Variants in MEGF8 observed in about 807,000 individuals in gnomAD.
MEGF8 encodes the protein multiple epidermal growth factor-like domains protein 8.
In MEGF8, 156 loss-of-function variants were observed where a neutral mutation model predicts 302.9. That is an observed-to-expected ratio of 0.52 (90% confidence interval 0.45 to 0.59). The LOEUF (loss-of-function observed/expected upper bound fraction) is 0.59. Among genes scored for constraint, MEGF8 ranks in the 20% least tolerant of loss-of-function variants. The probability of loss-of-function intolerance (pLI) is 0.00; values close to 1 mark genes in which losing one functional copy is unlikely to be tolerated. For synonymous variants in MEGF8, 1,621 were observed against 1,660.5 expected (o/e 0.98, Z 0.58); for missense variants, 3,345 against 3,964.5 (o/e 0.84, Z 4.20).
rs750557446 is a variant in MEGF8 at position 42,351,085 on chromosome 19, G to T, written c.2737-131G>T. On this transcript the variant is annotated intron_variant, in intron 15 of 41. Transcript: ENST00000251268. This position sits in a 1 kb window ranked among gnomAD's most constrained non-coding sequence, Gnocchi z 5.6. ...TGGTCGAAGGGAGGGGTCCAGAGAC[G>T]CAGGCAGCTGGGGAGGGAGATGGCC... The T allele has an allele frequency of 8.8e-6, 7 of 796,112 alleles. No homozygotes were observed. The East Asian group carries it at 1.6e-4, about 18-fold the overall frequency. 49.3% of individuals were successfully genotyped at this position (796,112 alleles called of 1,614,324 possible).
chr19:42,359,927 C>T (rs2039507727), intron 31 of MEGF8, among the ~76,000 whole-genome samples: 1 of 149,094 alleles, frequency 6.7e-6, no homozygotes, highest in Admixed American at 6.7e-5. Flanking sequence ...ACTCCTGGGC[C>T]CAAGCAGTCC....
chr19:42,331,808 G>T (rs1448251973), intron 1 of MEGF8, among the ~76,000 whole-genome samples: 1 of 151,394 alleles, frequency 6.6e-6, no homozygotes, highest in Non-Finnish European at 1.5e-5. Context: ...GACCTCAAGC[G>T]ATCCACCCAC....
rs1298003744 is a variant in MEGF8, at chr19:42,335,991, G to A, written c.889G>A (p.Glu297Lys). 1.3e-6 allele frequency: 2 copies of A among 1,538,790 alleles called. No individual in the cohort carries two copies. Among genetic ancestry groups the A allele is most frequent in the Non-Finnish European group, 1.7e-6 (2 of 1,143,460 alleles). Residue 297 changes from glutamate to lysine, a missense_variant, in exon 6 of 42, where the codon GAG (glutamate) becomes AAG (lysine). Physicochemically the swap from Glu to Lys is moderately conservative, Grantham distance 56. Transcript: ENST00000251268. ...CGGCTCCCTGGTACTGATGGGTGGT[G>A]AGCTGGCTGACGGCTCGCTCACCAA... ...WAGSLVLMGG[E>K]LADGSLTNDV...
At chr19:42,326,739 CTTTTT>C (rs34036568) in intron 1 of MEGF8, among the ~76,000 whole-genome samples, 2 of 118,082 alleles carry the variant, frequency 1.7e-5, no homozygotes, top group African/African-American at 7.4e-5. Context: ...ACTACTACTA[CTTTTT>C]TTTTTTTTTT....
At position 42,336,108 on chromosome 19, in the gene MEGF8, G is replaced by T; in HGVS notation, c.1006G>T (p.Gly336Cys). 2 of 1,606,128 alleles carry T rather than the reference G, an allele frequency of 1.2e-6. No homozygotes were observed. Among genetic ancestry groups the T allele is most frequent in the Non-Finnish European group, 1.7e-6 (2 of 1,178,422 alleles). The change falls in exon 6 of 42, where the codon GGT becomes TGT. Residue 336 changes from glycine to cysteine, a missense_variant. Physicochemically the swap from Gly to Cys is radical, Grantham distance 159 (BLOSUM62 -3). Transcript: ENST00000251268. The surrounding 1 kb of genome is among the most constrained non-coding windows in gnomAD (Gnocchi z 4.8). The stretch of plus-strand genomic sequence containing the variant: ...CTCCTCGGGGCCCCCAGGCCTGGCA[G>T]GTCACGCGGCTGCCCTGGTGGATGA... ...SSSSGPPGLAGHAAALVDDVW... is the reference protein window; with the variant it reads ...SSSSGPPGLACHAAALVDDVW...
At position 42,344,646 on chromosome 19, in the gene MEGF8, G is replaced by A. The variant is rs770335340; in HGVS notation, c.1934-24G>A. 20 of 1,561,090 alleles carry A rather than the reference G, an allele frequency of 1.3e-5. No individual in the cohort carries two copies. Among genetic ancestry groups the A allele is most frequent in the African/African-American group, 2.7e-5 (2 of 73,896 alleles). On this transcript the variant is annotated intron_variant, in intron 11 of 41. Coordinates refer to ENST00000251268, the MANE Select transcript of MEGF8 (RefSeq NM_001271938.2). This position sits in a 1 kb window ranked among gnomAD's most constrained non-coding sequence, Gnocchi z 4.5. The stretch of plus-strand genomic sequence containing the variant: ...CCAGAGCACTCCACACTGACCCACC[G>A]GCCCCCACCCCCTGTCTTCTCAGAG...
chr19:42,331,923 A>G (rs912054254), intron 1 of MEGF8, among the ~76,000 whole-genome samples: 3 of 149,350 alleles, frequency 2.0e-5, no homozygotes, highest in Non-Finnish European at 4.4e-5. Context: ...CAGTGGTGCA[A>G]TCTTGGCTCA....
intron 8 of MEGF8, among the ~76,000 whole-genome samples, chr19:42,341,709 C>T (rs2039217685): frequency 1.3e-5 from 2 of 152,148 alleles, no homozygotes; most frequent in African/African-American, 2.4e-5. Flanking sequence ...AGCCTCCCAA[C>T]GTGCTGTGAT....
chr19:42,366,115 C>G lies in MEGF8; in HGVS notation c.6274-2340C>G, dbSNP rs192382271. On this transcript the variant is annotated intron_variant, in intron 35 of 41. Coordinates refer to ENST00000251268, the MANE Select transcript of MEGF8 (RefSeq NM_001271938.2). The stretch of plus-strand genomic sequence containing the variant: ...AAAAGAAGTGTTGGCTTAGATTCCA[C>G]CGCACAAATCAAACATAATAGGCGT... Among the ~76,000 whole-genome samples the G allele has an allele frequency of 1.1e-4, 17 of 152,296 alleles. No homozygotes were observed. In the South Asian group the frequency reaches 1.7e-3, roughly 15 times the overall value.
Position 42,334,231 on chromosome 19 carries a change from CCT to C in MEGF8, c.558+19_558+20del. 6.4e-7 allele frequency: 1 copy of C among 1,568,124 alleles called. No individual in the cohort carries two copies. Among genetic ancestry groups the C allele is most frequent in the South Asian group, 1.2e-5 (1 of 84,996 alleles). ...GCGCCTCGGTGAGCCGGTCCCCAGC[CCT>C]GTTTCCCCTGGGGCCCTGATCTGTG... On this transcript the variant is annotated intron_variant, in intron 3 of 41. Coordinates refer to ENST00000251268, the MANE Select transcript of MEGF8 (RefSeq NM_001271938.2).
intron 35 of MEGF8, among the ~76,000 whole-genome samples, chr19:42,363,580 T>C (rs2039563597): frequency 6.6e-6 from 1 of 152,214 alleles, no homozygotes; most frequent in Admixed American, 6.5e-5. Flanking sequence ...TTTAATTTAA[T>C]TTTTTGTTTT....
At position 42,344,125 on chromosome 19, in the gene MEGF8, G is replaced by A. The variant is rs2039253595; in HGVS notation, c.1788+52G>A. 3.8e-6 allele frequency: 6 copies of A among 1,594,078 alleles called. No homozygotes were observed. The Admixed American group carries it at 7.0e-5, about 19-fold the overall frequency. The stretch of plus-strand genomic sequence containing the variant: ...TCCCTAGCATAGAGACCTGCCCTCA[G>A]TGTCTCCCTCTGCCTAACCAGATGG... On this transcript the variant is annotated intron_variant, in intron 10 of 41. Coordinates refer to ENST00000251268, the MANE Select transcript of MEGF8 (RefSeq NM_001271938.2). This position sits in a 1 kb window ranked among gnomAD's most constrained non-coding sequence, Gnocchi z 4.5.
intron 1 of MEGF8, among the ~76,000 whole-genome samples, chr19:42,328,117 C>T (rs1213802394): frequency 6.6e-6 from 1 of 152,138 alleles, no homozygotes; most frequent in African/African-American, 2.4e-5. Flanking sequence ...GAATACAAGA[C>T]AACGAATGAG....
rs188531875 is a variant in MEGF8, at chr19:42,362,080, T to C, written c.5721-10T>C. 630 of 1,611,754 alleles carry C rather than the reference T, an allele frequency of 3.9e-4. 2 individuals carry two copies. In the African/African-American group the frequency reaches 7.6e-3, roughly 19 times the overall value. On this transcript the variant is annotated splice_polypyrimidine_tract_variant and intron_variant, in intron 32 of 41. Transcript: ENST00000251268. ...ATGGGTGTGAGTGAGCCAGGCCTCA[T>C]GTCCTTTAGGCTGGGCTGCGGGGGC... is the stretch of plus-strand genomic sequence containing the variant.
At chr19:42,364,544 C>T (rs1163324351) in intron 35 of MEGF8, among the ~76,000 whole-genome samples, 1 of 152,164 alleles carries the variant, frequency 6.6e-6, no homozygotes, top group Non-Finnish European at 1.5e-5. Context: ...AAGAAACCAA[C>T]AGCACTTCGT....
Position 42,348,385 on chromosome 19 carries a change from A to G in MEGF8, c.2211A>G (p.Pro737=), listed in dbSNP as rs1347679756. Residue 737 remains proline (P), a synonymous_variant, in exon 13 of 42, where the codon CCA becomes CCG. Transcript: ENST00000251268. ...YPMLPGGPGG[P]GAEDVAVWTR... is the part of the protein sequence containing the mutation. ...TGCTGCCTGGAGGGCCAGGTGGACC[A>G]GGGGCTGAGGACGTGGCCGTGTGGA... is the stretch of plus-strand genomic sequence containing the variant. 6.5e-7 allele frequency: 1 copy of G among 1,537,178 alleles called. No individual in the cohort carries two copies.
intron 35 of MEGF8, among the ~76,000 whole-genome samples, chr19:42,367,212 A>G (rs1183185358): frequency 6.6e-6 from 1 of 151,994 alleles, no homozygotes; most frequent in Non-Finnish European, 1.5e-5. Context: ...AGGACTCTTC[A>G]GGTTCTCAGT....
rs977324687 is a variant in MEGF8, at chr19:42,368,014, C to T, written c.6274-441C>T. Among the ~76,000 whole-genome samples, 2 of 152,084 alleles carry T rather than the reference C, an allele frequency of 1.3e-5. No individual in the cohort carries two copies. Among genetic ancestry groups the T allele is most frequent in the Non-Finnish European group, 2.9e-5 (2 of 68,018 alleles). ...ATGACTCATTGCAGCCTCAAACTCC[C>T]GGGCTCAAAAAATCCTACCTCAGCC... On this transcript the variant is annotated intron_variant, in intron 35 of 41. Coordinates refer to ENST00000251268, the MANE Select transcript of MEGF8 (RefSeq NM_001271938.2). The surrounding 1 kb of genome is among the most constrained non-coding windows in gnomAD (Gnocchi z 4.9).
intron 8 of MEGF8, 63 bp downstream of exon 8, chr19:42,337,269 T>G: frequency 6.2e-7 from 1 of 1,606,628 alleles, no homozygotes; most frequent in East Asian, 2.2e-5. Context: ...ATAGTGATTC[T>G]GGGCTCAAGC....
Sources: gnomAD v4.1 joint callset for allele counts (sites outside exome capture counted in the v4.1 genomes callset) on GRCh38, gnomAD v4.1.1 for gene constraint, Gnocchi (gnomAD v3.1) non-coding constraint, MANE v1.5 for transcripts, NCBI Gene and HGNC (gene_info 2026-07-23, HGNC 2026-07-21) for gene names.